The following SLC4A4 variants were observed in gnomAD, a reference collection of about 807,000 sequenced individuals.
SLC4A4 encodes electrogenic sodium bicarbonate cotransporter 1.
Under a neutral mutation model 111.5 loss-of-function variants are expected in SLC4A4, and 27 were observed. The ratio of observed to expected loss-of-function variants is 0.24; its 90% CI spans 0.18 to 0.33. The LOEUF is 0.33. Ranked by LOEUF, SLC4A4 falls within the 10% of genes least tolerant of loss-of-function variation. The pLI is 1.00. For missense variants in SLC4A4, 909 were observed against 1,315.5 expected (o/e 0.69, Z 4.78); for synonymous variants, 443 against 463.4 (o/e 0.96, Z 0.57).
At chr4:71,311,888 T>TGCGAGAGAGAGAGAGA (rs1491510042) in intron 3 of SLC4A4, among the ~76,000 whole-genome samples, 1 of 31,502 alleles carries the variant, frequency 3.2e-5, no homozygotes, top group African/African-American at 7.2e-5. Context: ...TGTGCAAGGC[T>TGCGAGAGAGAGAGAGA]GTGAGAGAGA....
intron 3 of SLC4A4, among the ~76,000 whole-genome samples, chr4:71,272,425 C>T (rs1722763792): frequency 6.6e-6 from 1 of 152,156 alleles, no homozygotes; most frequent in African/African-American, 2.4e-5. Flanking sequence ...GAAAGACATA[C>T]AGGTTCTCAG....
rs1370653932 is a variant in SLC4A4, at chr4:71,466,597, A to G, written c.1631+20A>G. On this transcript the variant is annotated intron_variant, in intron 13 of 25. Transcript: ENST00000264485. Reference sequence around the variant, plus strand: ...CAGCAAGTATGTACATACATATTTAATTGCAAATTAGAATTGCTTAATTGT... The same window carrying G: ...CAGCAAGTATGTACATACATATTTAGTTGCAAATTAGAATTGCTTAATTGT... 1 of 1,610,704 alleles carries G rather than the reference A, an allele frequency of 6.2e-7. No homozygotes were observed. Among genetic ancestry groups the G allele is most frequent in the East Asian group, 2.2e-5 (1 of 44,712 alleles).
At chr4:71,308,908 A>C (rs1725913705) in intron 3 of SLC4A4, among the ~76,000 whole-genome samples, 1 of 152,196 alleles carries the variant, frequency 6.6e-6, no homozygotes, top group Admixed American at 6.5e-5. Flanking sequence ...AAGGGGGCTG[A>C]AGCCAGGGAG....
chr4:71,377,490 C>T (rs562366006), intron 6 of SLC4A4, among the ~76,000 whole-genome samples: 1 of 152,234 alleles, frequency 6.6e-6, no homozygotes, highest in African/African-American at 2.4e-5. Flanking sequence ...AAGAGCAGGT[C>T]TTCCTGACTT....
intron 3 of SLC4A4, among the ~76,000 whole-genome samples, chr4:71,311,696 G>C (rs1726180648): frequency 6.6e-6 from 1 of 152,194 alleles, no homozygotes; most frequent in African/African-American, 2.4e-5. Flanking sequence ...TGTTTAGAGG[G>C]AAATTTATAG....
intron 16 of SLC4A4, among the ~76,000 whole-genome samples, chr4:71,530,401 C>A (rs1391411186): frequency 6.6e-6 from 1 of 151,952 alleles, no homozygotes; most frequent in Non-Finnish European, 1.5e-5. Context: ...GTAATTGAAG[C>A]TAAGAAAGGG....
intron 2 of SLC4A4, among the ~76,000 whole-genome samples, chr4:71,181,569 C>T (rs1262858825): frequency 1.3e-5 from 2 of 152,096 alleles, no homozygotes; most frequent in Non-Finnish European, 2.9e-5. Flanking sequence ...ATTTGTGAAG[C>T]CTGAAATCTG....
At chr4:71,197,915 A>G (rs1014094404) in intron 1 of SLC4A4, among the ~76,000 whole-genome samples, 2 of 152,206 alleles carry the variant, frequency 1.3e-5, no homozygotes, top group African/African-American at 4.8e-5. Context: ...GCAAGAAGGA[A>G]GAGTCATTCA....
chr4:71,288,945 C>T (rs2149099779), intron 3 of SLC4A4, among the ~76,000 whole-genome samples: 1 of 152,160 alleles, frequency 6.6e-6, no homozygotes, highest in Non-Finnish European at 1.5e-5. Context: ...TATCTTTCAG[C>T]AGAATACAGG....
intron 1 of SLC4A4, among the ~76,000 whole-genome samples, chr4:71,188,692 T>A (rs1745602184): frequency 6.6e-6 from 1 of 152,152 alleles, no homozygotes; most frequent in Non-Finnish European, 1.5e-5. Flanking sequence ...GTCAATGCCA[T>A]TAGAACAATA....
intron 3 of SLC4A4, among the ~76,000 whole-genome samples, 187 bp downstream of exon 3, chr4:71,255,586 C>T (rs1037173555): frequency 1.3e-5 from 2 of 152,036 alleles, no homozygotes; most frequent in African/African-American, 2.4e-5. Flanking sequence ...AGGAGGTCAT[C>T]TGGTAAGATT....
chr4:71,148,344 G>T (rs1370002451), intron 2 of SLC4A4, among the ~76,000 whole-genome samples: 1 of 152,128 alleles, frequency 6.6e-6, no homozygotes, highest in African/African-American at 2.4e-5. Flanking sequence ...TCCTGGGTCT[G>T]TCTAAAAAGA....
chr4:71,184,764 C>G (rs187200999), upstream of SLC4A4, among the ~76,000 whole-genome samples: 1 of 152,056 alleles, frequency 6.6e-6, no homozygotes, highest in African/African-American at 2.4e-5. Flanking sequence ...GAAAAGCAAT[C>G]GAAAGTGATC....
chr4:71,452,950 TC>T (rs1220914000), intron 11 of SLC4A4, among the ~76,000 whole-genome samples: 2 of 152,222 alleles, frequency 1.3e-5, no homozygotes, highest in Non-Finnish European at 2.9e-5. Flanking sequence ...ATTGTCTGCC[TC>T]CTTTTCATCC....
chr4:71,108,711 T>C (rs1743009086), intron 2 of SLC4A4, among the ~76,000 whole-genome samples: 1 of 152,190 alleles, frequency 6.6e-6, no homozygotes, highest in Non-Finnish European at 1.5e-5. Context: ...TTAGCCATTG[T>C]TTCTTCAACT....
intron 2 of SLC4A4, among the ~76,000 whole-genome samples, chr4:71,107,686 T>C (rs1011993070): frequency 2.1e-4 from 30 of 140,346 alleles, no homozygotes; most frequent in African/African-American, 7.7e-4. Flanking sequence ...TTTAATCCTT[T>C]CTCATTTCTT....
At chr4:71,322,909 C>A (rs1425356782) in intron 3 of SLC4A4, among the ~76,000 whole-genome samples, 2 of 151,894 alleles carry the variant, frequency 1.3e-5, no homozygotes, top group South Asian at 2.1e-4. Context: ...TTGTTCTATG[C>A]CCATGGGATT....
chr4:71,150,531 G>C (rs766945888), intron 2 of SLC4A4, among the ~76,000 whole-genome samples: 3 of 152,036 alleles, frequency 2.0e-5, no homozygotes, highest in Admixed American at 6.6e-5. Context: ...AACTAAATGC[G>C]TTACCTAAAT....
At chr4:71,197,554 C>G (rs996911849) in intron 1 of SLC4A4, among the ~76,000 whole-genome samples, 4 of 152,074 alleles carry the variant, frequency 2.6e-5, no homozygotes, top group African/African-American at 9.7e-5. Context: ...TGCAAAAATA[C>G]AGTGCAGAGA....
Sources: allele counts gnomAD v4.1 joint callset (sites outside exome capture counted in the v4.1 genomes callset), GRCh38; gene constraint gnomAD v4.1.1; transcripts MANE v1.5; gene names NCBI Gene and HGNC (gene_info 2026-07-23, HGNC 2026-07-21).